FYB2: variants seen among roughly 807,000 people sequenced by gnomAD.
FYB2 encodes FYN-binding protein 2.
In FYB2, 103 loss-of-function variants were observed where a neutral mutation model predicts 94.1. The observed-to-expected ratio is 1.09, with a 90% CI of 0.93 to 1.29. The LOEUF (loss-of-function observed/expected upper bound fraction) is 1.29, where lower values mean the gene tolerates loss of function less well. FYB2 is among the 50% of genes most tolerant of loss of function. The pLI is 0.00. For synonymous variants in FYB2, 293 were observed against 287.9 expected, an observed-to-expected ratio of 1.02 and a Z score of -0.18; for missense variants, 896 against 841.5, an observed-to-expected ratio of 1.06 and a Z score of -0.80.
intron 4 of FYB2, among the ~76,000 whole-genome samples, chr1:56,785,790 T>C (rs1019787861): frequency 6.6e-6 from 1 of 152,216 alleles, no homozygotes; most frequent in Non-Finnish European, 1.5e-5. Context: ...ATGTGCATCT[T>C]CAGTACTCAT....
intron 1 of FYB2, among the ~76,000 whole-genome samples, chr1:56,802,365 T>G (rs1400110563): frequency 6.6e-6 from 1 of 152,218 alleles, no homozygotes; most frequent in Admixed American, 6.5e-5. Flanking sequence ...AAGGTAGTTA[T>G]GCAGGCAATT....
intron 5 of FYB2, among the ~76,000 whole-genome samples, chr1:56,764,222 G>A (rs2100788098): frequency 6.6e-6 from 1 of 152,236 alleles, no homozygotes. Flanking sequence ...CCAGAGTGCT[G>A]GGATTACAGG....
chr1:56,757,739 T>A (rs866071799), intron 6 of FYB2, among the ~76,000 whole-genome samples: 30 of 126,326 alleles, frequency 2.4e-4, no homozygotes, highest in Non-Finnish European at 2.0e-4. Context: ...TCTTTCATTC[T>A]TTCTTTCTTT....
At chr1:56,816,254 C>T (rs924280103) in intron 1 of FYB2, among the ~76,000 whole-genome samples, 1 of 152,210 alleles carries the variant, frequency 6.6e-6, no homozygotes, top group African/African-American at 2.4e-5. Context: ...CTGCATCTCA[C>T]CAGTGGCTGG....
chr1:56,816,242 G>A (rs1489101411), intron 1 of FYB2, among the ~76,000 whole-genome samples: 4 of 152,186 alleles, frequency 2.6e-5, no homozygotes, highest in African/African-American at 9.6e-5. Flanking sequence ...AAAGTCATTT[G>A]GCTGCATCTC....
chr1:56,755,930 G>A lies in FYB2; in HGVS notation c.1099-3C>T, dbSNP rs1191571813. The stretch of plus-strand genomic sequence containing the variant: ...GGATAGGGAAAATTCTTCCCAGGCT[G>A]AAAGTAAAGTGGAAAATGGTTATTT... On this transcript the variant is annotated splice_region_variant and splice_polypyrimidine_tract_variant and intron_variant, in intron 6 of 19. Coordinates refer to ENST00000343433, the MANE Select transcript of FYB2 (RefSeq NM_001004303.5). 1 of 1,608,712 alleles carries A rather than the reference G, an allele frequency of 6.2e-7. No homozygotes were observed. The highest frequency in any genetic ancestry group is 1.3e-5 in the African/African-American group (1 of 74,732).
intron 16 of FYB2, among the ~76,000 whole-genome samples, chr1:56,724,169 A>AGTT (rs1644541943): frequency 6.6e-6 from 1 of 151,948 alleles, no homozygotes; most frequent in Non-Finnish European, 1.5e-5. Context: ...TGGTTTTCTA[A>AGTT]GTTGTTAAAC....
Position 56,772,776 on chromosome 1 carries a change from A to G in FYB2, c.954-4838T>C, listed in dbSNP as rs150957243. On this transcript the variant is annotated intron_variant, in intron 4 of 19. Transcript: ENST00000343433. ...AAACAGTTATAATAAAATCTACTTT[A>G]AAGGCGTATTATGGATATTGAATGA... Among the ~76,000 whole-genome samples, 519 of 152,306 alleles carry G rather than the reference A, an allele frequency of 3.4e-3. 5 individuals are homozygous for G. The highest frequency in any genetic ancestry group is 0.012 in the African/African-American group (501 of 41,572).
intron 1 of FYB2, among the ~76,000 whole-genome samples, chr1:56,810,379 T>C (rs369864609): frequency 9.5e-5 from 14 of 147,804 alleles, no homozygotes; most frequent in African/African-American, 3.5e-4. Flanking sequence ...CCCTATGAAG[T>C]ACCCTCTTCC....
At chr1:56,819,175 G>A (rs1646955668) in intron 1 of FYB2, 107 bp downstream of exon 1, 15 of 1,353,890 alleles carry the variant, frequency 1.1e-5, no homozygotes, top group Admixed American at 3.7e-5. Context: ...TCCTGCCCAG[G>A]AGGCAGCACA....
At chr1:56,804,816 C>T (rs577244458) in intron 1 of FYB2, among the ~76,000 whole-genome samples, 4 of 152,270 alleles carry the variant, frequency 2.6e-5, no homozygotes, top group Admixed American at 2.0e-4. Flanking sequence ...TTCAATGGCT[C>T]CTTGTTACCT....
At chr1:56,807,931 G>A (rs1267269581) in intron 1 of FYB2, among the ~76,000 whole-genome samples, 1 of 152,138 alleles carries the variant, frequency 6.6e-6, no homozygotes, top group East Asian at 1.9e-4. Flanking sequence ...TCCAAGTTAA[G>A]TGTGAATCAC....
chr1:56,768,845 C>A (rs1645687776), intron 4 of FYB2, among the ~76,000 whole-genome samples: 1 of 151,592 alleles, frequency 6.6e-6, no homozygotes. Flanking sequence ...TTTAGTATTC[C>A]AAGAAATAAA....
chr1:56,807,276 A>T (rs1646668902), intron 1 of FYB2, among the ~76,000 whole-genome samples: 2 of 152,086 alleles, frequency 1.3e-5, no homozygotes, highest in Admixed American at 1.3e-4. Context: ...TATTGCTTTT[A>T]CTCCACAGCT....
At chr1:56,731,765 G>A (rs1401139310) in intron 15 of FYB2, 1 of 152,112 alleles carries the variant, frequency 6.6e-6, no homozygotes, top group South Asian at 2.1e-4. Context: ...TTCAATAGAT[G>A]CAGAAAAAGC....
At chr1:56,725,769 T>C (rs887267636) in intron 16 of FYB2, among the ~76,000 whole-genome samples, 5 of 152,206 alleles carry the variant, frequency 3.3e-5, no homozygotes, top group South Asian at 4.1e-4. Flanking sequence ...TCTGGTTTCC[T>C]TTGGTGCACC....
chr1:56,735,904 G>T (rs1644820517), intron 15 of FYB2, among the ~76,000 whole-genome samples: 1 of 152,018 alleles, frequency 6.6e-6, no homozygotes, highest in Non-Finnish European at 1.5e-5. Context: ...ACCATAGGAT[G>T]ACTATAGTTA....
At chr1:56,731,611 T>A (rs549530806) in intron 15 of FYB2, among the ~76,000 whole-genome samples, 1 of 151,776 alleles carries the variant, frequency 6.6e-6, no homozygotes, top group South Asian at 2.1e-4. Context: ...CTAGCCATCA[T>A]CCCCTCCATG....
At chr1:56,791,112 A>G (rs1258846104) in intron 2 of FYB2, among the ~76,000 whole-genome samples, 1 of 152,158 alleles carries the variant, frequency 6.6e-6, no homozygotes, top group Non-Finnish European at 1.5e-5. Context: ...GTACAAACAG[A>G]AACCATACAA....
Sources: allele counts gnomAD v4.1 joint callset (sites outside exome capture counted in the v4.1 genomes callset), GRCh38; gene constraint gnomAD v4.1.1; transcripts MANE v1.5; gene names NCBI Gene and HGNC (gene_info 2026-07-23, HGNC 2026-07-21).